Variants in RPH3AL observed in about 807,000 individuals in gnomAD.
The protein encoded by RPH3AL is rab effector Noc2.
In RPH3AL, 38 loss-of-function variants were observed where a neutral mutation model predicts 43.1. The observed-to-expected ratio is 0.88, with a 90% confidence interval of 0.68 to 1.15. RPH3AL has a LOEUF of 1.15. RPH3AL is among the 50% of genes most tolerant of loss of function. The pLI is 0.00. For missense variants in RPH3AL, 462 were observed against 423.2 expected (o/e 1.09, Z -0.81); for synonymous variants, 189 against 176.3 (o/e 1.07, Z -0.57).
intron 5 of RPH3AL, among the ~76,000 whole-genome samples, chr17:317,945 C>G (rs976554476): frequency 6.6e-6 from 1 of 151,536 alleles, no homozygotes; most frequent in African/African-American, 2.4e-5. Context: ...ACCCTCCACC[C>G]TCTGTTGTTT....
intron 1 of RPH3AL, among the ~76,000 whole-genome samples, chr17:348,365 T>C (rs2045285462): frequency 6.6e-6 from 1 of 152,186 alleles, no homozygotes; most frequent in South Asian, 2.1e-4. Flanking sequence ...ACCCTAAGTG[T>C]ACACTACACG....
intron 6 of RPH3AL, among the ~76,000 whole-genome samples, chr17:248,296 CT>C (rs1461652132): frequency 2.6e-5 from 4 of 152,194 alleles, no homozygotes; most frequent in Non-Finnish European, 5.9e-5. Context: ...AAGCTCCAGA[CT>C]TGTTCTGGCT....
chr17:331,289 A>AGCC lies in RPH3AL; in HGVS notation c.-37+2469_-37+2470insGGC, dbSNP rs1267989840. The AGCC allele has an allele frequency of 3.2e-3, 800 of 247,678 alleles. 4 individuals are homozygous for AGCC. The highest frequency in any genetic ancestry group is 0.015 in the African/African-American group (642 of 44,026). 15.3% of individuals were successfully genotyped at this position (247,678 alleles called of 1,614,324 possible). A position where few individuals can be genotyped will look rare whatever the true frequency, so the allele number is the denominator to read the frequency against. On this transcript the variant is annotated intron_variant, in intron 2 of 9. Coordinates refer to ENST00000331302, the MANE Select transcript of RPH3AL (RefSeq NM_006987.4). ...ATGCTGCAGAGATGAAGGGAGACGGAAAGAGCCAAATGCTGCAGAGATCAA... is the reference window on the plus strand; with the variant it reads ...ATGCTGCAGAGATGAAGGGAGACGGAGCCAAGAGCCAAATGCTGCAGAGATCAA...
intron 5 of RPH3AL, among the ~76,000 whole-genome samples, chr17:307,017 C>T (rs759490038): frequency 2.6e-5 from 4 of 152,170 alleles, no homozygotes; most frequent in Non-Finnish European, 5.9e-5. Context: ...GCTGCCACAT[C>T]TGCTCCACTC....
chr17:240,731 A>G (rs9894303), intron 7 of RPH3AL, among the ~76,000 whole-genome samples: 87,956 of 151,998 alleles, frequency 0.58, 25,709 homozygotes, highest in South Asian at 0.73. Context: ...TGGTTATAAT[A>G]CTTCTGTGAA....
At chr17:335,501 G>T (rs1356487298) in intron 1 of RPH3AL, among the ~76,000 whole-genome samples, 1 of 152,136 alleles carries the variant, frequency 6.6e-6, no homozygotes, top group African/African-American at 2.4e-5. Context: ...CGCCCGGCCG[G>T]CCCGTAGACT....
At chr17:231,329 C>T (rs913017308) in intron 7 of RPH3AL, among the ~76,000 whole-genome samples, 1 of 152,182 alleles carries the variant, frequency 6.6e-6, no homozygotes, top group African/African-American at 2.4e-5. Context: ...CCTGCTTTGC[C>T]TGGAACTCCT....
At chr17:222,186 ACATT>A (rs2041008064) in intron 7 of RPH3AL, among the ~76,000 whole-genome samples, 1 of 152,254 alleles carries the variant, frequency 6.6e-6, no homozygotes, top group South Asian at 2.1e-4. Context: ...TTCCATGGAC[ACATT>A]CATTGAAGTT....
chr17:282,843 G>T (rs1274469086), intron 5 of RPH3AL, among the ~76,000 whole-genome samples: 1 of 152,228 alleles, frequency 6.6e-6, no homozygotes, highest in African/African-American at 2.4e-5. Context: ...ACAGCGGAAA[G>T]TATTCCTGTA....
chr17:296,530 T>C (rs927081014), intron 5 of RPH3AL, among the ~76,000 whole-genome samples: 1 of 152,168 alleles, frequency 6.6e-6, no homozygotes, highest in African/African-American at 2.4e-5. Context: ...CAGGAGCAGC[T>C]CCTGGACCAG....
At chr17:349,646 A>AC (rs35246814) in intron 1 of RPH3AL, among the ~76,000 whole-genome samples, 30,084 of 152,042 alleles carry the variant, frequency 0.2, 3,688 homozygotes, top group African/African-American at 0.32. Flanking sequence ...ATGTAGCAAG[A>AC]CCCCATCTCT....
chr17:244,959 T>A (rs2099636436), intron 7 of RPH3AL, among the ~76,000 whole-genome samples: 1 of 152,140 alleles, frequency 6.6e-6, no homozygotes, highest in African/African-American at 2.4e-5. Flanking sequence ...CATGTGTGTG[T>A]GAGCTTGTGT....
intron 5 of RPH3AL, among the ~76,000 whole-genome samples, chr17:315,493 G>C (rs1598095768): frequency 7.3e-6 from 1 of 137,636 alleles, no homozygotes; most frequent in African/African-American, 2.8e-5. Flanking sequence ...TTGACCTGTA[G>C]TCCCTGTGAC....
intron 5 of RPH3AL, among the ~76,000 whole-genome samples, chr17:292,833 A>C (rs1035965533): frequency 6.6e-6 from 1 of 152,224 alleles, no homozygotes; most frequent in Admixed American, 6.5e-5. Flanking sequence ...CGCTGGGAGC[A>C]CGCCGAGCCC....
At chr17:348,093 T>TAA (rs71145709) in intron 1 of RPH3AL, among the ~76,000 whole-genome samples, 141 of 142,376 alleles carry the variant, frequency 9.9e-4, no homozygotes, top group Non-Finnish European at 1.4e-3. Flanking sequence ...AAGGAGCAGT[T>TAA]AAAAAAAAAA....
At chr17:316,978 C>G (rs1177349384) in intron 5 of RPH3AL, among the ~76,000 whole-genome samples, 1 of 148,828 alleles carries the variant, frequency 6.7e-6, no homozygotes, top group Non-Finnish European at 1.5e-5. Context: ...CCTCCATTGA[C>G]CTGTAGTCCC....
chr17:232,827 GGCGTGTGT>G lies in RPH3AL; in HGVS notation c.614-13099_614-13092del, dbSNP rs1367200414. On this transcript the variant is annotated intron_variant, in intron 7 of 9. Transcript: ENST00000331302. ...TCCTTGTCTCTAAACAGTCCTTTCC[GGCGTGTGT>G]GTGTGTGTGTGTGTGTGTGTGTGTG... is the stretch of plus-strand genomic sequence containing the variant. 1.0e-4 allele frequency among the ~76,000 whole-genome samples: 13 copies of G among 130,300 alleles called. No individual in the cohort carries two copies. In the East Asian group the frequency reaches 1.5e-3, roughly 16 times the overall value. 85.5% of individuals were successfully genotyped at this position (130,300 alleles called of 152,430 possible).
rs368147017 is a variant in RPH3AL at position 317,333 on chromosome 17, C to G, written c.351+2087G>C. On this transcript the variant is annotated intron_variant, in intron 5 of 9. Coordinates refer to ENST00000331302, the MANE Select transcript of RPH3AL (RefSeq NM_006987.4). ...GACCTTTAGTCCATGTGCCCCACCT[C>G]CATTGACCTGAAGTCCCTGTGCCCC... Among the ~76,000 whole-genome samples, 1,286 of 147,416 alleles carry G rather than the reference C, an allele frequency of 8.7e-3. 12 individuals are homozygous for G. Among genetic ancestry groups the G allele is most frequent in the East Asian group, 0.017 (88 of 5,030 alleles).
At chr17:240,254 G>C (rs926434422) in intron 7 of RPH3AL, among the ~76,000 whole-genome samples, 6 of 135,190 alleles carry the variant, frequency 4.4e-5, no homozygotes, top group African/African-American at 1.6e-4. Context: ...AAAAAAAAAG[G>C]TTTTTTTGTT....
Sources: allele counts gnomAD v4.1 joint callset (sites outside exome capture counted in the v4.1 genomes callset), GRCh38; gene constraint gnomAD v4.1.1; transcripts MANE v1.5; gene names NCBI Gene and HGNC (gene_info 2026-07-23, HGNC 2026-07-21).